Variants in BSN observed in about 807,000 individuals in gnomAD.
BSN encodes protein bassoon.
BSN carries 57 observed loss-of-function variants against 264.8 expected under a neutral mutation model. The ratio of observed to expected loss-of-function variants is 0.22; its 90% CI spans 0.17 to 0.27. BSN has a LOEUF of 0.27. BSN is among the 10% of genes least tolerant of loss of function. The pLI is 1.00. For missense variants in BSN, 4,615 were observed against 5,232.5 expected (o/e 0.88, Z 3.64); for synonymous variants, 2,059 against 2,137.3 (o/e 0.96, Z 1.01).
chr3:49,563,486 G>A (rs2051730867), intron 1 of BSN, among the ~76,000 whole-genome samples: 1 of 152,216 alleles, frequency 6.6e-6, no homozygotes, highest in Admixed American at 6.5e-5. Context: ...GAAGGGTGGG[G>A]CATGGGAAGG....
At chr3:49,573,877 G>GA (rs2051818414) in intron 1 of BSN, among the ~76,000 whole-genome samples, 2 of 151,932 alleles carry the variant, frequency 1.3e-5, no homozygotes, top group South Asian at 4.1e-4. Context: ...GGCTGGTCTC[G>GA]AACTCCCGAC....
intron 1 of BSN, among the ~76,000 whole-genome samples, chr3:49,570,005 G>C (rs1032642965): frequency 3.3e-5 from 5 of 152,168 alleles, no homozygotes; most frequent in African/African-American, 1.2e-4. Flanking sequence ...GCTGAGCAGA[G>C]ATATCATAAT....
downstream of BSN, among the ~76,000 whole-genome samples, chr3:49,673,087 C>CTTTTTTTT (rs71080543): frequency 2.6e-3 from 111 of 43,206 alleles, 26 homozygotes; most frequent in Middle Eastern, 0.056. Context: ...CCGGCCGGGA[C>CTTTTTTTT]TTTTTTTTTT....
chr3:49,581,066 C>G (rs1575428436), intron 1 of BSN, among the ~76,000 whole-genome samples: 1 of 151,822 alleles, frequency 6.6e-6, no homozygotes, highest in Non-Finnish European at 1.5e-5. Context: ...ACTGCAACCT[C>G]TGCCTCCCGG....
intron 1 of BSN, among the ~76,000 whole-genome samples, chr3:49,567,720 C>A (rs922979366): frequency 6.6e-6 from 1 of 152,188 alleles, no homozygotes; most frequent in African/African-American, 2.4e-5. Flanking sequence ...AACATGTTAA[C>A]CCAAAACTTA....
At chr3:49,579,564 A>C (rs6446284) in intron 1 of BSN, among the ~76,000 whole-genome samples, 1 of 151,614 alleles carries the variant, frequency 6.6e-6, no homozygotes, top group East Asian at 1.9e-4. Flanking sequence ...CACCACGCCC[A>C]GCTGATTTTT....
In BSN at chr3:49,554,664, C is replaced by A; in HGVS notation, c.62C>A (p.Ala21Asp). 1.0e-6 allele frequency: 1 copy of A among 989,676 alleles called. No homozygotes were observed. Among genetic ancestry groups the A allele is most frequent in the Non-Finnish European group, 1.2e-6 (1 of 833,338 alleles). 61.3% of individuals were successfully genotyped at this position (989,676 alleles called of 1,614,324 possible). A position where few individuals can be genotyped will look rare whatever the true frequency, so the allele number is the denominator to read the frequency against. ...AGDGPLPPGG[A>D]GPGPGPGPGP... ...GACGGGCCGCTGCCGCCCGGCGGCGCCGGCCCCGGCCCGGGCCCCGGCCCC... is the reference window on the plus strand; with the variant it reads ...GACGGGCCGCTGCCGCCCGGCGGCGACGGCCCCGGCCCGGGCCCCGGCCCC... The change falls in exon 1 of 12, where the codon GCC becomes GAC. Residue 21 changes from alanine (A) to aspartate (D), a missense_variant. Around this residue, in one of 3 missense-constraint regions of BSN, gnomAD observed 1,197 missense variants for 1,348.0 expected, o/e 0.89. Coordinates refer to ENST00000296452, the MANE Select transcript of BSN (RefSeq NM_003458.4).
intron 1 of BSN, among the ~76,000 whole-genome samples, chr3:49,594,690 G>C (rs1177144391): frequency 6.6e-6 from 1 of 152,026 alleles, no homozygotes; most frequent in Non-Finnish European, 1.5e-5. Context: ...ATTTTAGAAT[G>C]AGTTTTTCTA....
At chr3:49,609,005 A>G (rs532481321) in intron 1 of BSN, among the ~76,000 whole-genome samples, 4 of 152,096 alleles carry the variant, frequency 2.6e-5, no homozygotes, top group South Asian at 2.1e-4. Flanking sequence ...GCAGGAAGGC[A>G]TAGCAGATTT....
chr3:49,664,678 A>G (rs555511869), intron 9 of BSN, 121 bp from the exon 10 acceptor site: 4 of 1,538,604 alleles, frequency 2.6e-6, no homozygotes, highest in Admixed American at 1.8e-5. Context: ...GCTGATGCCC[A>G]GTTGTTCTCC....
intron 2 of BSN, among the ~76,000 whole-genome samples, chr3:49,631,770 T>C (rs757515426): frequency 5.3e-4 from 81 of 152,274 alleles, no homozygotes; most frequent in Non-Finnish European, 1.1e-3. Flanking sequence ...TGCTGGGGTC[T>C]CCTGATGCAC....
intron 2 of BSN, among the ~76,000 whole-genome samples, chr3:49,628,588 C>G (rs1335726673): frequency 6.6e-6 from 1 of 152,208 alleles, no homozygotes; most frequent in Non-Finnish European, 1.5e-5. Flanking sequence ...ACTCACCATT[C>G]TGCCCATCCA....
chr3:49,655,869 C>G lies in BSN; in HGVS notation c.6313C>G (p.Leu2105Val). 1 of 1,613,136 alleles carries G rather than the reference C, an allele frequency of 6.2e-7. No homozygotes were observed. The highest frequency in any genetic ancestry group is 8.5e-7 in the Non-Finnish European group (1 of 1,179,982). Residue 2105 changes from leucine (L) to valine (V), a missense_variant, in exon 5 of 12, where the codon CTC becomes GTC. Physicochemically the swap from Leu to Val is conservative, Grantham distance 32. Transcript: ENST00000296452. The part of the protein sequence containing the change: ...AREISRMCAA[L>V]NSMDQYGGRH... ...TGAAATCAGTCGCATGTGCGCTGCCCTCAACTCCATGGACCAGTATGGTGG... is the reference window on the plus strand; with the variant it reads ...TGAAATCAGTCGCATGTGCGCTGCCGTCAACTCCATGGACCAGTATGGTGG...
intron 1 of BSN, among the ~76,000 whole-genome samples, chr3:49,622,045 A>G (rs1056503529): frequency 1.6e-4 from 25 of 152,250 alleles, no homozygotes; most frequent in African/African-American, 5.5e-4. Context: ...ATGATCCAAT[A>G]GAGAGGGGGA....
chr3:49,624,157 C>T (rs1403899045), intron 1 of BSN, among the ~76,000 whole-genome samples: 1 of 151,930 alleles, frequency 6.6e-6, no homozygotes, highest in African/African-American at 2.4e-5. Context: ...CCCACCACCA[C>T]ACCTGGCTAA....
intron 1 of BSN, among the ~76,000 whole-genome samples, chr3:49,617,786 T>C (rs1458079128): frequency 6.6e-6 from 1 of 152,178 alleles, no homozygotes; most frequent in Non-Finnish European, 1.5e-5. Flanking sequence ...CAGACAGTTA[T>C]GACCCCTGGA....
At chr3:49,664,007 C>A in intron 8 of BSN, 121 bp downstream of exon 8, 1 of 980,952 alleles carries the variant, frequency 1.0e-6, no homozygotes, top group Non-Finnish European at 1.5e-6. Context: ...TGAGAAGGTG[C>A]CCCAGGGGCT....
Position 49,642,301 on chromosome 3 carries a change from C to A in BSN, c.667C>A (p.Gln223Lys). 6.4e-7 allele frequency: 1 copy of A among 1,565,786 alleles called. No individual in the cohort carries two copies. Residue 223 changes from glutamine to lysine, a missense_variant, in exon 3 of 12, where the codon CAG (glutamine) becomes AAG (lysine). Gln to Lys is a moderately conservative substitution (Grantham distance 53, BLOSUM62 1). Around this residue, in one of 3 missense-constraint regions of BSN, gnomAD observed 1,197 missense variants for 1,348.0 expected, o/e 0.89. Coordinates refer to ENST00000296452, the MANE Select transcript of BSN (RefSeq NM_003458.4). This position sits in a 1 kb window ranked among gnomAD's most constrained non-coding sequence, Gnocchi z 7.0. ...KEWLCLNCQM[Q>K]RALGMDMTTA... ...GTGGCTCTGTCTGAACTGTCAGATGCAGAGGGCTCTGGGAATGGACATGAC... is the reference window on the plus strand; with the variant it reads ...GTGGCTCTGTCTGAACTGTCAGATGAAGAGGGCTCTGGGAATGGACATGAC...
In BSN at chr3:49,642,032, TG is replaced by T. The variant is rs1435971516; in HGVS notation, c.634-232del. On this transcript the variant is annotated intron_variant, in intron 2 of 11. Transcript: ENST00000296452. The surrounding 1 kb of genome is among the most constrained non-coding windows in gnomAD (Gnocchi z 7.0). Reference sequence around the variant, plus strand: ...GCAGGCAGTGAGTTGGTGGTTGGGGTGGGGTGGGGGATGGGACTGCCTCCAC... The same window carrying T: ...GCAGGCAGTGAGTTGGTGGTTGGGGTGGGTGGGGGATGGGACTGCCTCCAC... Among the ~76,000 whole-genome samples the T allele has an allele frequency of 2.6e-5, 3 of 114,306 alleles. No homozygotes were observed. Among genetic ancestry groups the T allele is most frequent in the African/African-American group, 1.0e-4 (3 of 30,052 alleles). The allele number at this position is 114,306 out of a possible 152,430, so 75.0% of individuals were successfully genotyped here.
Sources: gnomAD v4.1 joint callset for allele counts (sites outside exome capture counted in the v4.1 genomes callset) on GRCh38, gnomAD v4.1.1 for gene constraint, gnomAD v4.1.1 regional missense constraint, Gnocchi (gnomAD v3.1) non-coding constraint, MANE v1.5 for transcripts, NCBI Gene and HGNC (gene_info 2026-07-23, HGNC 2026-07-21) for gene names.